PLS3: variants seen among roughly 807,000 people sequenced by gnomAD.
PLS3 encodes plastin 3.
Under a neutral mutation model 46.5 loss-of-function variants are expected in PLS3, and 11 were observed. That is an observed-to-expected ratio of 0.24 (90% confidence interval 0.15 to 0.39). The LOEUF (loss-of-function observed/expected upper bound fraction) is 0.39. Ranked by LOEUF, PLS3 falls within the 10% of genes least tolerant of loss-of-function variation. PLS3 has a pLI of 1.00. For synonymous variants in PLS3, 167 were observed against 162.2 expected (o/e 1.03, Z -0.22); for missense variants, 308 against 461.8 (o/e 0.67, Z 3.05).
chrX:115,596,695 G>T (rs1319566367), intron 1 of PLS3, among the ~76,000 whole-genome samples: 1 of 110,971 alleles, frequency 9.0e-6, no homozygotes, highest in African/African-American at 3.3e-5. Context: ...AAACTAGCCA[G>T]ATGTGGTGGC....
chrX:115,561,740 A>C, intron 1 of PLS3, among the ~76,000 whole-genome samples: 1 of 108,427 alleles, frequency 9.2e-6, no homozygotes, highest in Non-Finnish European at 1.9e-5. Flanking sequence ...GCAGCCTGCT[A>C]CTCCTCCAGC....
chrX:115,615,380 G>A (rs1556636636), intron 2 of PLS3, among the ~76,000 whole-genome samples: 2 of 110,007 alleles, frequency 1.8e-5, no homozygotes, highest in African/African-American at 6.6e-5. Context: ...GGTTTACTTA[G>A]GGGAGGGCGG....
intron 8 of PLS3, chrX:115,639,805 T>G (rs1556640765): frequency 2.5e-6 from 1 of 393,280 alleles, no homozygotes; most frequent in Non-Finnish European, 4.7e-6. Flanking sequence ...ATTGGGATTC[T>G]AAGAAAACAA....
intron 1 of PLS3, among the ~76,000 whole-genome samples, chrX:115,562,110 G>T (rs188065916): frequency 2.5e-4 from 27 of 110,190 alleles, no homozygotes; most frequent in South Asian, 8.0e-4. Context: ...GCAAAGGGGC[G>T]ACGGGAGGGA....
intron 2 of PLS3, among the ~76,000 whole-genome samples, chrX:115,620,020 A>G (rs782362723): frequency 4.5e-5 from 5 of 112,171 alleles, no homozygotes; most frequent in Admixed American, 9.4e-5. Flanking sequence ...AGATGGTTCC[A>G]TGCAGTATAC....
At chrX:115,634,775 A>G in intron 6 of PLS3, 106 bp from the exon 7 acceptor site, 6 of 701,061 alleles carry the variant, frequency 8.6e-6, no homozygotes, top group Non-Finnish European at 1.3e-5. Context: ...AAATTAATAC[A>G]GGGTATTAAT....
chrX:115,571,288 C>T (rs1376005827), intron 1 of PLS3, among the ~76,000 whole-genome samples: 3 of 111,819 alleles, frequency 2.7e-5, no homozygotes, highest in African/African-American at 6.5e-5. Flanking sequence ...GAGGCCAAGG[C>T]GGGCAAATCA....
In PLS3 at chrX:115,635,233, T is replaced by C. The variant is rs781990617; in HGVS notation, c.748+187T>C. ...CTCTCTTCTTTACTAGTAATTCACA[T>C]TTGTCTGGCACTTTACAATTCATTT... On this transcript the variant is annotated intron_variant, in intron 7 of 15. Transcript: ENST00000355899. 9.8e-5 allele frequency among the ~76,000 whole-genome samples: 11 copies of C among 111,696 alleles called. No homozygotes were observed. In the South Asian group the frequency reaches 1.9e-3, roughly 19 times the overall value.
rs782519955 is a variant in PLS3, at chrX:115,595,489, G to A, written c.-8-14754G>A. Reference sequence around the variant, plus strand: ...AAATAATTCATGGAAGAGAGACAGGGAAGGAGGGAGGGAGAAGAAAGGACA... The same window carrying A: ...AAATAATTCATGGAAGAGAGACAGGAAAGGAGGGAGGGAGAAGAAAGGACA... On this transcript the variant is annotated intron_variant, in intron 1 of 15. Transcript: ENST00000355899. 2.5e-4 allele frequency among the ~76,000 whole-genome samples: 28 copies of A among 110,303 alleles called. 1 individual carries two copies. The South Asian group carries it at 0.01, about 41-fold the overall frequency.
chrX:115,643,742 G>C (rs1556641332), intron 10 of PLS3, among the ~76,000 whole-genome samples: 2 of 111,759 alleles, frequency 1.8e-5, no homozygotes, highest in Non-Finnish European at 3.8e-5. Flanking sequence ...AGGCCGACAT[G>C]GGCGGATCAC....
intron 11 of PLS3, 65 bp downstream of exon 11, chrX:115,645,164 G>C: frequency 1.5e-6 from 1 of 653,986 alleles, no homozygotes; most frequent in Admixed American, 2.6e-5. Context: ...AATAATGACA[G>C]CTCTAAAGAT....
At position 115,614,881 on chromosome X, in the gene PLS3, C is replaced by T. The variant is rs138783308; in HGVS notation, c.73+4558C>T. Among the ~76,000 whole-genome samples the T allele has an allele frequency of 2.0e-4, 22 of 112,081 alleles. No individual in the cohort carries two copies. The East Asian group carries it at 5.3e-3, about 27-fold the overall frequency. ...TTTTCCAAAAGGATATGCATCTGCA[C>T]TTGCTAGGCTTTCTTCTTTAAGTCC... On this transcript the variant is annotated intron_variant, in intron 2 of 15. Transcript: ENST00000355899.
At chrX:115,614,474 A>G (rs1453260195) in intron 2 of PLS3, 1 of 750,991 alleles carries the variant, frequency 1.3e-6, no homozygotes. Flanking sequence ...CCTCCAGTCT[A>G]CCCTTAGCTG....
intron 8 of PLS3, chrX:115,640,159 A>T (rs2074880103): frequency 9.8e-7 from 1 of 1,023,944 alleles, no homozygotes; most frequent in African/African-American, 1.9e-5. Context: ...TTATATGTTT[A>T]TTAGCATTAT....
chrX:115,639,698 G>A (rs1203897195), intron 8 of PLS3: 5 of 331,753 alleles, frequency 1.5e-5, no homozygotes, highest in African/African-American at 5.3e-5. Context: ...CTTAATAAGC[G>A]TTTGTGCAAG....
intron 1 of PLS3, among the ~76,000 whole-genome samples, chrX:115,580,241 T>C (rs782814180): frequency 7.1e-5 from 8 of 112,352 alleles, no homozygotes; most frequent in Non-Finnish European, 1.3e-4. Context: ...TATGGATTGA[T>C]TTTTGGTGTC....
intron 1 of PLS3, among the ~76,000 whole-genome samples, chrX:115,562,070 G>C (rs1272104051): frequency 9.1e-6 from 1 of 110,208 alleles, no homozygotes; most frequent in Non-Finnish European, 1.9e-5. Context: ...CGGCAGTCCC[G>C]GACCTCTCCC....
chrX:115,626,366 C>T (rs2074710678), intron 3 of PLS3, among the ~76,000 whole-genome samples: 1 of 108,477 alleles, frequency 9.2e-6, no homozygotes, highest in Non-Finnish European at 1.9e-5. Flanking sequence ...CTCACTGCAA[C>T]CTCTGCCTCC....
chrX:115,625,029 A>G (rs782449010), intron 3 of PLS3, among the ~76,000 whole-genome samples: 2 of 111,832 alleles, frequency 1.8e-5, no homozygotes, highest in Non-Finnish European at 3.8e-5. Context: ...TTCAGATGCT[A>G]CTACTACTAT....
Sources: gnomAD v4.1 joint callset for allele counts (sites outside exome capture counted in the v4.1 genomes callset) on GRCh38, gnomAD v4.1.1 for gene constraint, MANE v1.5 for transcripts, NCBI Gene and HGNC (gene_info 2026-07-23, HGNC 2026-07-21) for gene names.